NTM: variants seen among roughly 807,000 people sequenced by gnomAD.
NTM encodes neurotrimin.
NTM carries 13 observed loss-of-function variants against 42.1 expected under a neutral mutation model. That is an observed-to-expected ratio of 0.31 (90% CI 0.20 to 0.49). The LOEUF (loss-of-function observed/expected upper bound fraction) is 0.49. Among genes scored for constraint, NTM ranks in the 20% least tolerant of loss-of-function variants. The probability of loss-of-function intolerance (pLI) is 0.99; values close to 1 mark genes in which losing one functional copy is unlikely to be tolerated. For missense variants in NTM, 373 were observed against 452.8 expected (o/e 0.82, Z 1.60); for synonymous variants, 187 against 179.2 (o/e 1.04, Z -0.35).
intron 2 of NTM, among the ~76,000 whole-genome samples, chr11:132,015,283 T>C (rs893111689): frequency 6.6e-6 from 1 of 152,082 alleles, no homozygotes; most frequent in African/African-American, 2.4e-5. Flanking sequence ...CATGCTGTTT[T>C]TGTTACTATA....
intron 3 of NTM, among the ~76,000 whole-genome samples, chr11:132,206,369 AT>A (rs2081993138): frequency 1.3e-5 from 2 of 152,178 alleles, no homozygotes; most frequent in African/African-American, 4.8e-5. Context: ...TTCTGTCAAA[AT>A]TTATGGACTG....
chr11:131,521,192 G>A (rs1302514396), intron 1 of NTM, among the ~76,000 whole-genome samples: 2 of 151,510 alleles, frequency 1.3e-5, no homozygotes, highest in Non-Finnish European at 2.9e-5. Flanking sequence ...GCATGTGCCT[G>A]TAGTCCCAGC....
intron 1 of NTM, among the ~76,000 whole-genome samples, chr11:131,909,146 G>C (rs541165748): frequency 5.3e-5 from 8 of 152,192 alleles, no homozygotes; most frequent in African/African-American, 1.9e-4. Flanking sequence ...GGCTAAGCAC[G>C]TCCTAGTCAA....
At chr11:132,043,289 C>T (rs2077449427) in intron 2 of NTM, among the ~76,000 whole-genome samples, 1 of 152,202 alleles carries the variant, frequency 6.6e-6, no homozygotes, top group East Asian at 1.9e-4. Context: ...CTTCATCCTT[C>T]AAGCAATATG....
At chr11:131,747,950 C>T (rs909592194) in intron 1 of NTM, among the ~76,000 whole-genome samples, 5 of 152,320 alleles carry the variant, frequency 3.3e-5, no homozygotes, top group Non-Finnish European at 7.3e-5. Flanking sequence ...ACAGGCCCTC[C>T]ACTGTACTCG....
At chr11:131,570,651 C>T (rs2057359782) in intron 1 of NTM, among the ~76,000 whole-genome samples, 2 of 152,032 alleles carry the variant, frequency 1.3e-5, no homozygotes, top group Admixed American at 1.3e-4. Context: ...GGTGAAACCT[C>T]GTCTCTAATA....
At chr11:132,145,760 G>A (rs1377444867) in intron 2 of NTM, among the ~76,000 whole-genome samples, 1 of 152,148 alleles carries the variant, frequency 6.6e-6, no homozygotes, top group African/African-American at 2.4e-5. Context: ...TGAGAGGAAT[G>A]ATGTTTAGTA....
chr11:131,662,687 G>A (rs762320392), intron 1 of NTM, among the ~76,000 whole-genome samples: 2 of 152,146 alleles, frequency 1.3e-5, no homozygotes, highest in Non-Finnish European at 2.9e-5. Flanking sequence ...ACAGAAGAAG[G>A]GCTGCAACAT....
intron 2 of NTM, among the ~76,000 whole-genome samples, chr11:132,093,302 C>T (rs2060582528): frequency 6.6e-6 from 1 of 152,170 alleles, no homozygotes; most frequent in Non-Finnish European, 1.5e-5. Context: ...CATGCTGTTT[C>T]CTCTGCCTGG....
chr11:131,517,407 C>T (rs901705646), intron 1 of NTM, among the ~76,000 whole-genome samples: 7 of 152,136 alleles, frequency 4.6e-5, no homozygotes, highest in Admixed American at 4.6e-4. Context: ...AATATCAGCA[C>T]TGAGTGCATC....
chr11:131,720,009 G>T (rs1158160431), intron 1 of NTM, among the ~76,000 whole-genome samples: 2 of 152,132 alleles, frequency 1.3e-5, no homozygotes, highest in Admixed American at 6.6e-5. Context: ...TTGTGGGAGG[G>T]AATATAGGCC....
At chr11:131,724,940 G>T (rs2078780446) in intron 1 of NTM, among the ~76,000 whole-genome samples, 1 of 152,198 alleles carries the variant, frequency 6.6e-6, no homozygotes, top group African/African-American at 2.4e-5. Context: ...GGAGTCAGGG[G>T]AGTGAGGGGC....
At chr11:131,583,323 C>T (rs968653431) in intron 1 of NTM, among the ~76,000 whole-genome samples, 10 of 152,210 alleles carry the variant, frequency 6.6e-5, no homozygotes, top group African/African-American at 2.4e-4. Flanking sequence ...CAATATACTG[C>T]ACACATTTCA....
At position 131,450,282 on chromosome 11, in the gene NTM, G is replaced by A. The variant is rs138372260; in HGVS notation, c.82+79394G>A. Among the ~76,000 whole-genome samples, 209 of 152,312 alleles carry A rather than the reference G, an allele frequency of 1.4e-3. 1 individual carries two copies. Among genetic ancestry groups the A allele is most frequent in the African/African-American group, 4.5e-3 (187 of 41,570 alleles). On this transcript the variant is annotated intron_variant, in intron 1 of 8. Coordinates refer to ENST00000683400, the MANE Select transcript of NTM (RefSeq NM_001352005.2). ...CCAGTAGATGAGGAAGAAAGACAAT[G>A]TTTATGCATGGGGTGAGGAAGTGGG...
intron 4 of NTM, among the ~76,000 whole-genome samples, chr11:132,231,696 C>T (rs958580435): frequency 1.3e-5 from 2 of 152,220 alleles, no homozygotes; most frequent in Non-Finnish European, 2.9e-5. Flanking sequence ...TTCCTAGCCA[C>T]ATTACACAAA....
intron 1 of NTM, among the ~76,000 whole-genome samples, chr11:131,872,210 G>T (rs920876995): frequency 4.6e-5 from 7 of 152,328 alleles, no homozygotes; most frequent in African/African-American, 1.4e-4. Flanking sequence ...TGAGGAAACA[G>T]AACTCAGGAG....
At chr11:131,774,354 C>G (rs1023906010) in intron 1 of NTM, among the ~76,000 whole-genome samples, 1 of 152,194 alleles carries the variant, frequency 6.6e-6, no homozygotes, top group Non-Finnish European at 1.5e-5. Flanking sequence ...TTATCATTCA[C>G]AGTAATCCTT....
chr11:132,268,658 C>CTT (rs201154373), intron 4 of NTM, among the ~76,000 whole-genome samples: 25,627 of 80,792 alleles, frequency 0.32, 2,801 homozygotes, highest in East Asian at 0.6. Flanking sequence ...GTGTGGGGTC[C>CTT]TCTCTCTCTC....
intron 1 of NTM, among the ~76,000 whole-genome samples, chr11:131,526,426 T>C (rs1382843160): frequency 1.3e-5 from 2 of 152,216 alleles, no homozygotes; most frequent in Non-Finnish European, 2.9e-5. Flanking sequence ...CAATGTCCGC[T>C]TGGATTGTCA....
Sources: gnomAD v4.1 joint callset for allele counts (sites outside exome capture counted in the v4.1 genomes callset) on GRCh38, gnomAD v4.1.1 for gene constraint, MANE v1.5 for transcripts, NCBI Gene and HGNC (gene_info 2026-07-23, HGNC 2026-07-21) for gene names.